Variants in NINL observed in about 807,000 individuals in gnomAD.
The protein encoded by NINL is ninein-like protein.
Under a neutral mutation model 160.3 loss-of-function variants are expected in NINL, and 153 were observed. The observed-to-expected ratio is 0.95, with a 90% CI of 0.84 to 1.09. The LOEUF (loss-of-function observed/expected upper bound fraction) is 1.09. NINL is among the 50% of genes least tolerant of loss of function. The probability of loss-of-function intolerance (pLI) is 0.00; values close to 1 mark genes in which losing one functional copy is unlikely to be tolerated. For missense variants in NINL, 1,829 were observed against 1,764.0 expected (o/e 1.04, Z -0.66); for synonymous variants, 800 against 734.8 (o/e 1.09, Z -1.43).
At chr20:25,464,443 A>AACAC (rs769932941) in intron 19 of NINL, among the ~76,000 whole-genome samples, 1 of 149,618 alleles carries the variant, frequency 6.7e-6, no homozygotes, top group Non-Finnish European at 1.5e-5. Context: ...CAAACAAACA[A>AACAC]ACACACAACA....
At chr20:25,564,568 T>C (rs1329291788) in intron 1 of NINL, among the ~76,000 whole-genome samples, 1 of 152,158 alleles carries the variant, frequency 6.6e-6, no homozygotes, top group African/African-American at 2.4e-5. Context: ...TCTTTCTGCC[T>C]TGGCCTCCCA....
chr20:25,556,971 C>T (rs2064874319), intron 1 of NINL, among the ~76,000 whole-genome samples: 1 of 152,154 alleles, frequency 6.6e-6, no homozygotes, highest in Admixed American at 6.5e-5. Flanking sequence ...AGTTTCCCAC[C>T]TCCACAGCTC....
intron 17 of NINL, among the ~76,000 whole-genome samples, chr20:25,474,135 G>C (rs898001081): frequency 6.6e-6 from 1 of 152,222 alleles, no homozygotes; most frequent in Non-Finnish European, 1.5e-5. Flanking sequence ...GTAGAAAGTG[G>C]AGGCAGAAGA....
intron 2 of NINL, among the ~76,000 whole-genome samples, chr20:25,519,223 T>C (rs2064219931): frequency 1.3e-5 from 2 of 152,212 alleles, no homozygotes; most frequent in South Asian, 2.1e-4. Flanking sequence ...CTGTCTTCTA[T>C]GACAATACAA....
At chr20:25,584,933 C>G (rs1166043577) in intron 1 of NINL, among the ~76,000 whole-genome samples, 2 of 152,272 alleles carry the variant, frequency 1.3e-5, no homozygotes, top group African/African-American at 4.8e-5. Context: ...GACTTCTACA[C>G]CCTTTCAATC....
At chr20:25,479,455 G>T (rs913283559) in intron 15 of NINL, among the ~76,000 whole-genome samples, 2 of 152,196 alleles carry the variant, frequency 1.3e-5, no homozygotes, top group Admixed American at 6.5e-5. Flanking sequence ...GGAAGCTCGG[G>T]GCTCACTGGA....
At chr20:25,547,550 G>A (rs1273784748) in intron 1 of NINL, among the ~76,000 whole-genome samples, 1 of 152,170 alleles carries the variant, frequency 6.6e-6, no homozygotes, top group African/African-American at 2.4e-5. Flanking sequence ...ACTAACTCCA[G>A]GTAGTGTAGA....
chr20:25,470,921 G>A (rs944111272), intron 17 of NINL, among the ~76,000 whole-genome samples: 1 of 152,208 alleles, frequency 6.6e-6, no homozygotes, highest in Non-Finnish European at 1.5e-5. Context: ...TAAGGCTAAC[G>A]TGTATTCCCC....
chr20:25,553,365 CCACT>C (rs1338683198), intron 1 of NINL, among the ~76,000 whole-genome samples: 1 of 152,080 alleles, frequency 6.6e-6, no homozygotes, highest in Non-Finnish European at 1.5e-5. Flanking sequence ...TTAAACAGAG[CCACT>C]CACTGGTCCC....
At chr20:25,543,805 C>T (rs1163411764) in intron 1 of NINL, among the ~76,000 whole-genome samples, 2 of 152,062 alleles carry the variant, frequency 1.3e-5, no homozygotes, top group Non-Finnish European at 2.9e-5. Flanking sequence ...CAACTGCAGG[C>T]CACCACGTCG....
intron 13 of NINL, among the ~76,000 whole-genome samples, chr20:25,483,805 C>T (rs2063449997): frequency 6.6e-6 from 1 of 152,266 alleles, no homozygotes. Context: ...TCTTAGACAC[C>T]TCCCAGGGTC....
rs944629827 is a variant in NINL, at chr20:25,529,264, T to G, written c.-11-2666A>C. 2.0e-5 allele frequency among the ~76,000 whole-genome samples: 3 copies of G among 151,866 alleles called. No individual in the cohort carries two copies. The East Asian group carries it at 5.8e-4, about 29-fold the overall frequency. On this transcript the variant is annotated intron_variant, in intron 1 of 23. Transcript: ENST00000278886. ...CTCTAGCCTGGGTGACAGAGCAAGATCTTGTCTCTTAAAAAAAAAAATTAA... is the reference window on the plus strand; with the variant it reads ...CTCTAGCCTGGGTGACAGAGCAAGAGCTTGTCTCTTAAAAAAAAAAATTAA...
Position 25,476,730 on chromosome 20 carries a change from C to T in NINL, c.2561G>A (p.Gly854Glu). The T allele has an allele frequency of 1.2e-6, 2 of 1,605,242 alleles. No individual in the cohort carries two copies. Among genetic ancestry groups the T allele is most frequent in the African/African-American group, 1.3e-5 (1 of 75,016 alleles). Residue 854 changes from glycine to glutamate, a missense_variant, in exon 17 of 24, where the codon GGG becomes GAG. Coordinates refer to ENST00000278886, the MANE Select transcript of NINL (RefSeq NM_025176.6). Reference protein sequence around the residue: ...RGLLPLRPGCGERPLAWLAPG... With the variant: ...RGLLPLRPGCEERPLAWLAPG... ...GGCCAGCCAGGCCAGTGGCCGCTCC[C>T]CACAGCCCGGACGCAGTGGTAGGAG...
chr20:25,464,206 C>G (rs776586021), intron 19 of NINL, among the ~76,000 whole-genome samples: 1 of 152,156 alleles, frequency 6.6e-6, no homozygotes, highest in Non-Finnish European at 1.5e-5. Flanking sequence ...CACCTGAGGT[C>G]AGGAGTTTGA....
In NINL at chr20:25,453,651, G is replaced by A. The variant is rs372159498; in HGVS notation, c.3958-9C>T. ...TTCGTGTTCTTTTCAAACTAGAGAG[G>A]GGAGGAAGCCATGCTTTGCATGAGG... On this transcript the variant is annotated splice_polypyrimidine_tract_variant and intron_variant, in intron 23 of 23. Coordinates refer to ENST00000278886, the MANE Select transcript of NINL (RefSeq NM_025176.6). 3.5e-5 allele frequency: 55 copies of A among 1,592,254 alleles called. No homozygotes were observed. In the African/African-American group the frequency reaches 5.5e-4, roughly 16 times the overall value.
At chr20:25,527,156 AT>A (rs879518774) in intron 1 of NINL, among the ~76,000 whole-genome samples, 224 of 146,350 alleles carry the variant, frequency 1.5e-3, no homozygotes, top group Non-Finnish European at 1.4e-3. Context: ...ATACAATCTG[AT>A]TTTTTTTTTT....
At chr20:25,540,539 C>T (rs1270591267) in intron 1 of NINL, among the ~76,000 whole-genome samples, 2 of 152,174 alleles carry the variant, frequency 1.3e-5, no homozygotes. Flanking sequence ...CATGACCACT[C>T]GGAGGCAGCC....
intron 17 of NINL, among the ~76,000 whole-genome samples, chr20:25,471,575 G>T (rs952733503): frequency 3.9e-5 from 6 of 152,250 alleles, no homozygotes; most frequent in East Asian, 3.9e-4. Context: ...TGTCCTCATG[G>T]AAAGAAAAGA....
rs1381579077 is a variant in NINL at position 25,476,984 on chromosome 20, C to T, written c.2307G>A (p.Leu769=). The T allele has an allele frequency of 6.2e-7, 1 of 1,605,508 alleles. No homozygotes were observed. Residue 769 remains leucine, a synonymous_variant, in exon 17 of 24, where the codon CTG becomes CTA. Transcript: ENST00000278886. Reference sequence around the variant, plus strand: ...GCTCCGACCTCTGGCTCCCGCGTGGCAGGGGTCCCTGCGGCGGCTCCTCCA... The same window carrying T: ...GCTCCGACCTCTGGCTCCCGCGTGGTAGGGGTCCCTGCGGCGGCTCCTCCA... ...LELEEPPQGP[L]PRGSQRSEQL... is the part of the protein sequence containing the mutation.
Sources: gnomAD v4.1 joint callset for allele counts (sites outside exome capture counted in the v4.1 genomes callset) on GRCh38, gnomAD v4.1.1 for gene constraint, MANE v1.5 for transcripts, NCBI Gene and HGNC (gene_info 2026-07-23, HGNC 2026-07-21) for gene names.